The following EYS variants were observed in gnomAD, a reference collection of about 807,000 sequenced individuals.
The protein encoded by EYS is EGF-like photoreceptor maintenance factor.
In EYS, 250 loss-of-function variants were observed where a neutral mutation model predicts 282.1. That is an observed-to-expected ratio of 0.89 (90% CI 0.80 to 0.98). EYS has a LOEUF of 0.98. Ranked by LOEUF, EYS falls within the 50% of genes least tolerant of loss-of-function variation. The pLI, the probability that EYS is intolerant of heterozygous loss-of-function variation, is 0.00. For missense variants in EYS, 4,016 were observed against 3,709.0 expected (o/e 1.08, Z -2.15); for synonymous variants, 1,355 against 1,282.9 (o/e 1.06, Z -1.20).
At chr6:65,465,915 T>C (rs546255243) in intron 5 of EYS, among the ~76,000 whole-genome samples, 12 of 152,188 alleles carry the variant, frequency 7.9e-5, no homozygotes, top group African/African-American at 2.6e-4. Flanking sequence ...GAGGCTGCAG[T>C]GAGCTGTGAT....
chr6:64,983,878 T>C (rs1251479296), intron 14 of EYS, among the ~76,000 whole-genome samples: 1 of 151,268 alleles, frequency 6.6e-6, no homozygotes, highest in Non-Finnish European at 1.5e-5. Context: ...TTGGCACAAG[T>C]TTACATGACT....
At chr6:64,445,147 G>T (rs1018733707) in intron 26 of EYS, among the ~76,000 whole-genome samples, 3 of 152,124 alleles carry the variant, frequency 2.0e-5, no homozygotes. Context: ...AAAAAGTCAG[G>T]ACGATATTTT....
At chr6:64,854,818 T>C (rs1766003779) in intron 19 of EYS, among the ~76,000 whole-genome samples, 1 of 152,148 alleles carries the variant, frequency 6.6e-6, no homozygotes, top group African/African-American at 2.4e-5. Context: ...TATTTCAAGA[T>C]ACAGGTTTCT....
At chr6:65,097,986 T>A (rs1280401235) in intron 12 of EYS, among the ~76,000 whole-genome samples, 1 of 150,674 alleles carries the variant, frequency 6.6e-6, no homozygotes, top group Non-Finnish European at 1.5e-5. Context: ...TGTGTGATGT[T>A]AACTAACACA....
intron 15 of EYS, among the ~76,000 whole-genome samples, chr6:64,933,583 C>G (rs141601121): frequency 0.025 from 3,762 of 152,138 alleles, 150 homozygotes; most frequent in African/African-American, 0.086. Context: ...GGCGATTCCT[C>G]AAGGATCTAG....
At position 63,982,913 on chromosome 6, in the gene EYS, G is replaced by A. The variant is rs115347767; in HGVS notation, c.7055+1470C>T. ...CACAAATATTTCAGACATTAACACAGTCAGTTAGAGAAGGTTTTTTCCCGT... is the reference window on the plus strand; with the variant it reads ...CACAAATATTTCAGACATTAACACAATCAGTTAGAGAAGGTTTTTTCCCGT... On this transcript the variant is annotated intron_variant, in intron 35 of 42. Coordinates refer to ENST00000503581, the MANE Select transcript of EYS (RefSeq NM_001142800.2). 2.7e-3 allele frequency among the ~76,000 whole-genome samples: 412 copies of A among 151,966 alleles called. 2 individuals are homozygous for A. The highest frequency in any genetic ancestry group is 9.5e-3 in the African/African-American group (394 of 41,528).
intron 12 of EYS, among the ~76,000 whole-genome samples, chr6:65,179,793 T>C (rs1462075688): frequency 6.6e-6 from 1 of 152,126 alleles, no homozygotes; most frequent in South Asian, 2.1e-4. Context: ...TGAACATTGA[T>C]GCAAAAATCC....
At chr6:64,670,051 G>T (rs567430202) in intron 22 of EYS, among the ~76,000 whole-genome samples, 1 of 152,002 alleles carries the variant, frequency 6.6e-6, no homozygotes, top group Non-Finnish European at 1.5e-5. Context: ...TCCAGGATCC[G>T]GGAGCCACCC....
rs550468774 is a variant in EYS, at chr6:65,589,749, A to T, written c.-333+50029T>A. On this transcript the variant is annotated intron_variant, in intron 2 of 42. Transcript: ENST00000503581. The stretch of plus-strand genomic sequence containing the variant: ...TATTTCTAATAATTCAGCTAAGAAA[A>T]AACACTTTCTCTGAATGTAGCATTT... 1.2e-4 allele frequency among the ~76,000 whole-genome samples: 19 copies of T among 152,098 alleles called. 1 individual carries two copies. Among genetic ancestry groups the T allele is most frequent in the African/African-American group, 4.6e-4 (19 of 41,538 alleles).
Position 64,590,430 on chromosome 6 carries a change from T to A in EYS, c.5437A>T (p.Ile1813Phe), listed in dbSNP as rs1314154144. The A allele has an allele frequency of 6.4e-6, 10 of 1,551,258 alleles. No homozygotes were observed. The highest frequency in any genetic ancestry group is 8.7e-6 in the Non-Finnish European group (10 of 1,146,750). ...SIQTSSSMSV[I>F]RPDWPYFTDY... ...GTAAAATATGGCCAATCTGGCCTAA[T>A]TACAGACATGGAGGAAGACGTCTGT... is the stretch of plus-strand genomic sequence containing the variant. Residue 1813 changes from isoleucine to phenylalanine, a missense_variant, in exon 26 of 43, where the codon ATT becomes TTT. Transcript: ENST00000503581.
intron 22 of EYS, among the ~76,000 whole-genome samples, chr6:64,785,455 T>G (rs1773986384): frequency 6.6e-6 from 1 of 152,164 alleles, no homozygotes; most frequent in African/African-American, 2.4e-5. Flanking sequence ...AAAGCAGCCA[T>G]AATTTTCTTA....
At chr6:64,109,468 A>G (rs771137425) in intron 31 of EYS, among the ~76,000 whole-genome samples, 14 of 152,090 alleles carry the variant, frequency 9.2e-5, no homozygotes, top group Non-Finnish European at 1.9e-4. Flanking sequence ...AGTTTGCTAT[A>G]TCTATTTTGA....
chr6:64,805,981 G>A (rs1764410259), intron 22 of EYS, among the ~76,000 whole-genome samples: 1 of 151,278 alleles, frequency 6.6e-6, no homozygotes, highest in Admixed American at 6.6e-5. Context: ...AATCTTACAT[G>A]TGAATATAGG....
At chr6:64,892,952 C>T (rs546821258) in intron 18 of EYS, among the ~76,000 whole-genome samples, 2 of 152,140 alleles carry the variant, frequency 1.3e-5, no homozygotes, top group South Asian at 2.1e-4. Context: ...TCACAATATG[C>T]TTGTTGGTAA....
chr6:64,831,792 A>T (rs1032164793), intron 19 of EYS, among the ~76,000 whole-genome samples: 3 of 151,958 alleles, frequency 2.0e-5, no homozygotes, highest in African/African-American at 7.2e-5. Flanking sequence ...CATTGTAAAA[A>T]ATTTTAAAGA....
intron 19 of EYS, among the ~76,000 whole-genome samples, chr6:64,881,660 C>T (rs1368965722): frequency 6.6e-6 from 1 of 151,736 alleles, no homozygotes; most frequent in Non-Finnish European, 1.5e-5. Context: ...GTAAGAGGCA[C>T]GTACACATTT....
chr6:65,299,287 C>T (rs531656818), intron 11 of EYS, among the ~76,000 whole-genome samples: 12 of 152,142 alleles, frequency 7.9e-5, no homozygotes, highest in African/African-American at 2.9e-4. Flanking sequence ...TAATAACAAC[C>T]TATTTTTGGT....
intron 31 of EYS, among the ~76,000 whole-genome samples, chr6:64,182,044 T>C (rs1261110338): frequency 1.3e-5 from 2 of 152,156 alleles, no homozygotes; most frequent in Non-Finnish European, 1.5e-5. Context: ...GTATTAAATA[T>C]TCATTTTCAC....
At chr6:63,907,864 G>A (rs1015864240) in intron 35 of EYS, among the ~76,000 whole-genome samples, 1 of 151,868 alleles carries the variant, frequency 6.6e-6, no homozygotes, top group African/African-American at 2.4e-5. Context: ...GTGAGAACAT[G>A]TAATATTTGC....
Sources: allele counts gnomAD v4.1 joint callset (sites outside exome capture counted in the v4.1 genomes callset), GRCh38; gene constraint gnomAD v4.1.1; transcripts MANE v1.5; gene names NCBI Gene and HGNC (gene_info 2026-07-23, HGNC 2026-07-21).